The following PPM1L variants were observed in gnomAD, a reference collection of about 807,000 sequenced individuals.
The protein encoded by PPM1L is protein phosphatase 1L.
In PPM1L, 13 loss-of-function variants were observed where a neutral mutation model predicts 31.4. The ratio of observed to expected loss-of-function variants is 0.41; its 90% confidence interval spans 0.27 to 0.66. The LOEUF is 0.66. PPM1L is among the 30% of genes least tolerant of loss of function. The probability of loss-of-function intolerance (pLI) is 0.29; values close to 1 mark genes in which losing one functional copy is unlikely to be tolerated. For synonymous variants in PPM1L, 184 were observed against 175.4 expected (o/e 1.05, Z -0.39); for missense variants, 326 against 453.7 (o/e 0.72, Z 2.56).
intron 1 of PPM1L, among the ~76,000 whole-genome samples, chr3:160,876,146 A>G (rs1275594374): frequency 6.6e-6 from 1 of 152,220 alleles, no homozygotes; most frequent in Admixed American, 6.5e-5. Context: ...CAGGTTGTAC[A>G]TAAACGATTC....
intron 1 of PPM1L, among the ~76,000 whole-genome samples, chr3:160,949,868 G>T (rs1031646619): frequency 6.6e-6 from 1 of 152,196 alleles, no homozygotes; most frequent in Non-Finnish European, 1.5e-5. Context: ...TGCAACCAAG[G>T]TGATGATTCC....
chr3:160,803,045 T>C (rs1157425682), intron 1 of PPM1L, among the ~76,000 whole-genome samples: 1 of 152,174 alleles, frequency 6.6e-6, no homozygotes, highest in Non-Finnish European at 1.5e-5. Flanking sequence ...GAAGAAACAG[T>C]GCTGGCCAGC....
At chr3:160,932,530 G>C (rs1220137230) in intron 1 of PPM1L, among the ~76,000 whole-genome samples, 1 of 152,174 alleles carries the variant, frequency 6.6e-6, no homozygotes, top group East Asian at 1.9e-4. Flanking sequence ...AATACATGAA[G>C]TAATCTTATA....
intron 1 of PPM1L, among the ~76,000 whole-genome samples, chr3:160,921,365 A>G (rs1225315958): frequency 1.3e-5 from 2 of 152,170 alleles, no homozygotes; most frequent in Non-Finnish European, 2.9e-5. Context: ...AAAGACTATT[A>G]ATAAGGTTTA....
intron 1 of PPM1L, among the ~76,000 whole-genome samples, chr3:160,942,095 T>C (rs547791138): frequency 6.6e-6 from 1 of 152,288 alleles, no homozygotes; most frequent in Admixed American, 6.5e-5. Flanking sequence ...TGCCATCTGG[T>C]GGAGGAAAGG....
At chr3:160,900,533 T>G (rs2108053181) in intron 1 of PPM1L, among the ~76,000 whole-genome samples, 1 of 152,254 alleles carries the variant, frequency 6.6e-6, no homozygotes, top group African/African-American at 2.4e-5. Flanking sequence ...TGATTTATCC[T>G]TTTTATTCCC....
At chr3:160,971,908 T>C (rs1023520310) in intron 2 of PPM1L, among the ~76,000 whole-genome samples, 1 of 151,942 alleles carries the variant, frequency 6.6e-6, no homozygotes, top group Non-Finnish European at 1.5e-5. Flanking sequence ...ATACTACAGG[T>C]TTACACCACC....
chr3:160,934,157 AG>A, intron 1 of PPM1L, among the ~76,000 whole-genome samples: 1 of 152,364 alleles, frequency 6.6e-6, no homozygotes, highest in South Asian at 2.1e-4. Context: ...GTGTTCAAAA[AG>A]AATGCCTCAT....
At chr3:160,898,511 C>T (rs1447208823) in intron 1 of PPM1L, among the ~76,000 whole-genome samples, 3 of 152,202 alleles carry the variant, frequency 2.0e-5, no homozygotes, top group East Asian at 1.9e-4. Context: ...ACAAGTTATC[C>T]AACAAGATAA....
intron 2 of PPM1L, among the ~76,000 whole-genome samples, chr3:161,049,313 A>G (rs1235430081): frequency 6.6e-6 from 1 of 152,068 alleles, no homozygotes; most frequent in Non-Finnish European, 1.5e-5. Context: ...ACAAAACAAA[A>G]AAACCCTAAA....
At chr3:160,843,719 G>A (rs1713981425) in intron 1 of PPM1L, among the ~76,000 whole-genome samples, 1 of 151,692 alleles carries the variant, frequency 6.6e-6, no homozygotes, top group African/African-American at 2.4e-5. Context: ...GGAAGACAGT[G>A]TGGCGATTCC....
chr3:160,838,199 A>G (rs527283257), intron 1 of PPM1L, among the ~76,000 whole-genome samples: 2 of 152,288 alleles, frequency 1.3e-5, no homozygotes, highest in Admixed American at 6.5e-5. Flanking sequence ...ATGGTTATGA[A>G]GTAGTAGAGG....
At chr3:160,789,715 T>A (rs539478264) in intron 1 of PPM1L, among the ~76,000 whole-genome samples, 1 of 151,662 alleles carries the variant, frequency 6.6e-6, no homozygotes, top group African/African-American at 2.4e-5. Flanking sequence ...ATGATCATAG[T>A]TTTTTTTTCT....
intron 1 of PPM1L, among the ~76,000 whole-genome samples, chr3:160,762,260 T>A (rs1714989197): frequency 6.6e-6 from 1 of 152,192 alleles, no homozygotes; most frequent in Non-Finnish European, 1.5e-5. Flanking sequence ...AAGAGAAGAT[T>A]CTGATTATTT....
chr3:160,963,414 G>A (rs183723523), intron 2 of PPM1L, among the ~76,000 whole-genome samples: 1 of 152,218 alleles, frequency 6.6e-6, no homozygotes, highest in Non-Finnish European at 1.5e-5. Context: ...AATCTGAGAT[G>A]TAGAAAATAG....
At chr3:160,935,109 G>A (rs1014304607) in intron 1 of PPM1L, among the ~76,000 whole-genome samples, 3 of 152,156 alleles carry the variant, frequency 2.0e-5, no homozygotes, top group East Asian at 3.9e-4. Context: ...TATAACCCTG[G>A]CATGAGTGAA....
intron 2 of PPM1L, among the ~76,000 whole-genome samples, chr3:161,062,093 C>A (rs1450435305): frequency 6.6e-6 from 1 of 151,910 alleles, no homozygotes; most frequent in East Asian, 1.9e-4. Flanking sequence ...TAGGCTAGCA[C>A]TGGGCCAAAT....
intron 2 of PPM1L, among the ~76,000 whole-genome samples, chr3:161,053,329 G>A (rs1354661134): frequency 6.6e-6 from 1 of 152,156 alleles, no homozygotes; most frequent in Admixed American, 6.5e-5. Flanking sequence ...TGCCCAGAGA[G>A]TATATATGAA....
chr3:160,862,662 GCACACACACACACACACACA>G (rs6148164), intron 1 of PPM1L, among the ~76,000 whole-genome samples: 1 of 127,194 alleles, frequency 7.9e-6, no homozygotes, highest in Non-Finnish European at 1.6e-5. Context: ...CTAGGCACAC[GCACACACACACACACACACA>G]CACACACACA....
Sources: gnomAD v4.1 joint callset for allele counts (sites outside exome capture counted in the v4.1 genomes callset) on GRCh38, gnomAD v4.1.1 for gene constraint, MANE v1.5 for transcripts, NCBI Gene and HGNC (gene_info 2026-07-23, HGNC 2026-07-21) for gene names.